Variants in RYR2 observed in about 807,000 individuals in gnomAD.
RYR2 encodes cardiac muscle ryanodine receptor-calcium release channel.
A neutral mutation model predicts 601.1 loss-of-function variants in RYR2; 227 were observed. The observed-to-expected ratio is 0.38, with a 90% confidence interval of 0.34 to 0.42. The LOEUF (loss-of-function observed/expected upper bound fraction) is 0.42. Among genes scored for constraint, RYR2 ranks in the 10% least tolerant of loss-of-function variants. The pLI, the probability that RYR2 is intolerant of heterozygous loss-of-function variation, is 1.00. For missense variants in RYR2, 4,646 were observed against 6,156.5 expected, an observed-to-expected ratio of 0.75 and a Z score of 8.21; for synonymous variants, 2,223 against 2,175.1, an observed-to-expected ratio of 1.02 and a Z score of -0.61.
intron 1 of RYR2, among the ~76,000 whole-genome samples, chr1:237,173,674 C>T (rs966805440): frequency 1.3e-5 from 2 of 152,170 alleles, no homozygotes; most frequent in African/African-American, 2.4e-5. Context: ...TACACGCACA[C>T]AGTTTATATG....
chr1:237,602,044 T>A lies in RYR2; in HGVS notation c.4616T>A (p.Leu1539Ter). Residue 1539 changes from leucine to a stop codon, truncating the protein, a stop_gained, in exon 35 of 105, where the codon TTA becomes TAA. Transcript: ENST00000366574. LOFTEE classifies it high-confidence loss of function. Reference protein sequence around the residue: ...TYYQVEPSTKLFPAVFAQATS... With the variant: ...TYYQVEPSTK ...TTTCAGGTGGAACCGAGTACAAAAT[T>A]ATTTCCTGCGGTTTTTGCACAAGCT... The A allele has an allele frequency of 6.2e-7, 1 of 1,612,624 alleles. No individual in the cohort carries two copies. The highest frequency in any genetic ancestry group is 8.5e-7 in the Non-Finnish European group (1 of 1,179,148).
intron 1 of RYR2, among the ~76,000 whole-genome samples, chr1:237,088,486 T>C (rs538057159): frequency 3.3e-5 from 5 of 152,350 alleles, no homozygotes; most frequent in Non-Finnish European, 7.3e-5. Context: ...GAATCAATGC[T>C]TTTCGCAATT....
chr1:237,391,189 G>T (rs945666032), intron 10 of RYR2, among the ~76,000 whole-genome samples: 1 of 152,062 alleles, frequency 6.6e-6, no homozygotes. Flanking sequence ...CTAGGTCATT[G>T]TAAGGAACTT....
chr1:237,266,112 A>G lies in RYR2; in HGVS notation c.49-4385A>G, dbSNP rs1689029985. 2.0e-5 allele frequency among the ~76,000 whole-genome samples: 3 copies of G among 152,230 alleles called. No homozygotes were observed. In the South Asian group the frequency reaches 6.2e-4, roughly 31 times the overall value. On this transcript the variant is annotated intron_variant, in intron 1 of 104. Transcript: ENST00000366574. Reference sequence around the variant, plus strand: ...ATCATGTGCATTTCAGCACTCAGAAACACTATTGGCACAGGCAACCAAAAT... The same window carrying G: ...ATCATGTGCATTTCAGCACTCAGAAGCACTATTGGCACAGGCAACCAAAAT...
chr1:237,756,994 T>C (rs370870225), intron 81 of RYR2, among the ~76,000 whole-genome samples: 4 of 152,236 alleles, frequency 2.6e-5, no homozygotes, highest in African/African-American at 7.2e-5. Context: ...GCCAGCTGTT[T>C]CAAGATGATT....
At chr1:237,692,681 C>T (rs1280157672) in intron 63 of RYR2, among the ~76,000 whole-genome samples, 1 of 152,154 alleles carries the variant, frequency 6.6e-6, no homozygotes, top group Non-Finnish European at 1.5e-5. Flanking sequence ...GTAAAGGACC[C>T]TCACACATAA....
intron 1 of RYR2, among the ~76,000 whole-genome samples, chr1:237,136,220 A>T (rs567519909): frequency 6.6e-6 from 1 of 152,358 alleles, no homozygotes; most frequent in African/African-American, 2.4e-5. Context: ...CCTGCCCAGG[A>T]TAGCATTGCC....
In RYR2 at chr1:237,094,772, C is replaced by T. The variant is rs1572613100; in HGVS notation, c.48+52203C>T. 2.0e-5 allele frequency among the ~76,000 whole-genome samples: 3 copies of T among 151,988 alleles called. 1 individual carries two copies. Among genetic ancestry groups the T allele is most frequent in the South Asian group, 2.1e-4 (1 of 4,822 alleles). ...ATGCCCAGCCAATTTTTTGTATTTT[C>T]GGTAGAGACGGGGTTTCACCGTGTT... is the stretch of plus-strand genomic sequence containing the variant. On this transcript the variant is annotated intron_variant, in intron 1 of 104. Coordinates refer to ENST00000366574, the MANE Select transcript of RYR2 (RefSeq NM_001035.3).
rs1185398824 is a variant in RYR2 at position 237,589,868 on chromosome 1, A to C, written c.3674A>C (p.Lys1225Thr). The C allele has an allele frequency of 1.2e-6, 2 of 1,613,894 alleles. No homozygotes were observed. The highest frequency in any genetic ancestry group is 1.7e-6 in the Non-Finnish European group (2 of 1,179,870). ...MNFGKDVSTL[K>T]YFTICGLQEG... is the part of the protein sequence containing the mutation. ...TTTGGAAAGGATGTCAGCACCTTGA[A>C]ATATTTCACCATCTGTGGCTTACAA... Residue 1225 changes from lysine (K) to threonine (T), a missense_variant, in exon 30 of 105, where the codon AAA becomes ACA. Around this residue, in one of 17 missense-constraint regions of RYR2, gnomAD observed 1,807 missense variants for 2,088.1 expected, o/e 0.87. Coordinates refer to ENST00000366574, the MANE Select transcript of RYR2 (RefSeq NM_001035.3).
chr1:237,514,236 G>A (rs1272148023), intron 24 of RYR2, among the ~76,000 whole-genome samples: 4 of 152,142 alleles, frequency 2.6e-5, no homozygotes, highest in Non-Finnish European at 5.9e-5. Flanking sequence ...TATTATTTTA[G>A]CAATTGACAG....
chr1:237,279,231 T>G (rs1690605740), intron 2 of RYR2, among the ~76,000 whole-genome samples: 3 of 152,174 alleles, frequency 2.0e-5, no homozygotes. Context: ...CTTGACAGTT[T>G]CACTGGGGAC....
At chr1:237,660,141 A>G (rs981281385) in intron 55 of RYR2, 67 bp downstream of exon 55, 45 of 816,670 alleles carry the variant, frequency 5.5e-5, no homozygotes, top group African/African-American at 2.7e-4. Context: ...TTTTTTGGTT[A>G]TATTTTTTAT....
intron 1 of RYR2, among the ~76,000 whole-genome samples, chr1:237,054,055 G>A (rs946454234): frequency 1.3e-5 from 2 of 152,204 alleles, no homozygotes; most frequent in East Asian, 3.8e-4. Flanking sequence ...TACAGATCAG[G>A]AAACTGAGTT....
At chr1:237,523,468 C>T (rs569823215) in intron 24 of RYR2, among the ~76,000 whole-genome samples, 89 of 152,292 alleles carry the variant, frequency 5.8e-4, no homozygotes, top group African/African-American at 2.0e-3. Context: ...GGCATGGTGG[C>T]TCACGCCTAT....
chr1:237,563,454 TAAA>T (rs1326818674), intron 27 of RYR2, among the ~76,000 whole-genome samples: 1 of 141,050 alleles, frequency 7.1e-6, no homozygotes, highest in East Asian at 2.0e-4. Context: ...CCACAGAGAT[TAAA>T]AAAGAAAAAG....
At chr1:237,072,428 C>A (rs1664475248) in intron 1 of RYR2, among the ~76,000 whole-genome samples, 1 of 152,154 alleles carries the variant, frequency 6.6e-6, no homozygotes, top group African/African-American at 2.4e-5. Flanking sequence ...GAAGAGAATA[C>A]TCCCAGCAAA....
chr1:237,087,120 A>G (rs1473219056), intron 1 of RYR2, among the ~76,000 whole-genome samples: 1 of 152,142 alleles, frequency 6.6e-6, no homozygotes, highest in African/African-American at 2.4e-5. Flanking sequence ...GGATTCCCTG[A>G]AGGAGGGACT....
intron 29 of RYR2, among the ~76,000 whole-genome samples, chr1:237,586,048 T>C (rs1450029744): frequency 6.6e-6 from 1 of 152,218 alleles, no homozygotes; most frequent in African/African-American, 2.4e-5. Flanking sequence ...CATCACCTCC[T>C]TTTTAACTTA....
At chr1:237,121,952 C>A (rs113896704) in intron 1 of RYR2, among the ~76,000 whole-genome samples, 110 of 152,268 alleles carry the variant, frequency 7.2e-4, no homozygotes, top group African/African-American at 2.5e-3. Context: ...TGTGGAGACA[C>A]AATTAGCTCA....
Sources: gnomAD v4.1 joint callset for allele counts (sites outside exome capture counted in the v4.1 genomes callset) on GRCh38, gnomAD v4.1.1 for gene constraint, gnomAD v4.1.1 regional missense constraint, MANE v1.5 for transcripts, NCBI Gene and HGNC (gene_info 2026-07-23, HGNC 2026-07-21) for gene names.